The following SEZ6 variants were observed in gnomAD, a reference collection of about 807,000 sequenced individuals.
SEZ6 encodes seizure related 6 homolog, also known as seizure protein 6 homolog.
In SEZ6, 53 loss-of-function variants were observed where a neutral mutation model predicts 101.0. The observed-to-expected ratio is 0.52, with a 90% CI of 0.42 to 0.66. The LOEUF (loss-of-function observed/expected upper bound fraction) is 0.66, where lower values mean the gene tolerates loss of function less well. SEZ6 is among the 30% of genes least tolerant of loss of function. The pLI is 0.00. For synonymous variants in SEZ6, 488 were observed against 512.2 expected (o/e 0.95, Z 0.64); for missense variants, 1,102 against 1,289.4 (o/e 0.85, Z 2.23).
chr17:28,994,237 C>G (rs992052087), intron 1 of SEZ6, among the ~76,000 whole-genome samples: 35 of 151,982 alleles, frequency 2.3e-4, no homozygotes, highest in Admixed American at 1.2e-3. Context: ...CCTCTCTGGG[C>G]CTGGCCGGTT....
At chr17:28,986,326 G>T (rs1300505887) in intron 1 of SEZ6, among the ~76,000 whole-genome samples, 1 of 152,202 alleles carries the variant, frequency 6.6e-6, no homozygotes, top group African/African-American at 2.4e-5. Context: ...GACTCCCTGG[G>T]AGGACCGCTT....
intron 4 of SEZ6, among the ~76,000 whole-genome samples, chr17:28,967,085 A>G (rs1216944928): frequency 1.3e-5 from 2 of 152,214 alleles, no homozygotes; most frequent in African/African-American, 4.8e-5. Context: ...ACCCACTTTC[A>G]GTATTACATC....
At chr17:28,981,049 C>T (rs1293000555) in intron 2 of SEZ6, among the ~76,000 whole-genome samples, 1 of 152,194 alleles carries the variant, frequency 6.6e-6, no homozygotes, top group Admixed American at 6.5e-5. Flanking sequence ...GTGCCCACCA[C>T]CATGCCCGGC....
chr17:28,999,478 A>G, intron 1 of SEZ6, among the ~76,000 whole-genome samples: 1 of 151,946 alleles, frequency 6.6e-6, no homozygotes. Context: ...GCAGCCTGAG[A>G]CCTGGAGACC....
intron 15 of SEZ6, 30 bp downstream of exon 15, chr17:28,956,320 A>G: frequency 1.3e-6 from 2 of 1,578,154 alleles, no homozygotes; most frequent in Non-Finnish European, 1.7e-6. Flanking sequence ...GTATGCAGGT[A>G]TGCAGAGCAG....
intron 1 of SEZ6, among the ~76,000 whole-genome samples, chr17:28,998,214 C>G (rs1259162151): frequency 6.6e-6 from 1 of 151,924 alleles, no homozygotes; most frequent in East Asian, 1.9e-4. Context: ...AAGGGGTAAA[C>G]CAGCATGCAC....
At position 28,964,028 on chromosome 17, in the gene SEZ6, C is replaced by G. The variant is rs61737977; in HGVS notation, c.1174G>C (p.Ala392Pro). 6.2e-4 allele frequency: 999 copies of G among 1,611,264 alleles called. 8 individuals carry two copies. In the African/African-American group the frequency reaches 0.012, roughly 19 times the overall value. ...GCATTGAGACAGGTGAGATGCCTGG[C>G]GCCCTTCAGCTGGTAGCCAGTGGCA... ...HCATGYQLKG[A>P]RHLTCLNATQ... is the part of the protein sequence containing the mutation. The change falls in exon 5 of 17, where the codon GCC (alanine) becomes CCC (proline). Residue 392 changes from alanine (A) to proline (P), a missense_variant. Around this residue, in one of 3 missense-constraint regions of SEZ6, gnomAD observed 556 missense variants for 735.1 expected, o/e 0.76. Transcript: ENST00000317338.
intron 1 of SEZ6, among the ~76,000 whole-genome samples, chr17:28,984,882 GA>G (rs2041356480): frequency 4.6e-5 from 7 of 152,206 alleles, no homozygotes; most frequent in Admixed American, 4.6e-4. Context: ...CTGACGAAGG[GA>G]GAGTATGATA....
intron 1 of SEZ6, among the ~76,000 whole-genome samples, chr17:28,987,017 A>T (rs2152690678): frequency 6.6e-6 from 1 of 152,244 alleles, no homozygotes; most frequent in South Asian, 2.1e-4. Flanking sequence ...TCCCCGCCTC[A>T]TGGCAGCACC....
chr17:28,964,046 C>T lies in SEZ6; in HGVS notation c.1156G>A (p.Gly386Ser). 6.2e-7 allele frequency: 1 copy of T among 1,611,022 alleles called. No homozygotes were observed. Residue 386 changes from glycine to serine, a missense_variant, in exon 5 of 17, where the codon GGC (glycine) becomes AGC (serine). Around this residue, in one of 3 missense-constraint regions of SEZ6, gnomAD observed 556 missense variants for 735.1 expected, o/e 0.76. Transcript: ENST00000317338. ...GGSARFHCATGYQLKGARHLT... is the reference protein window; with the variant it reads ...GGSARFHCATSYQLKGARHLT... ...TGCCTGGCGCCCTTCAGCTGGTAGC[C>T]AGTGGCACAATGGAAGCGGGCACTA...
At chr17:28,986,700 G>A (rs1212841121) in intron 1 of SEZ6, among the ~76,000 whole-genome samples, 2 of 152,230 alleles carry the variant, frequency 1.3e-5, no homozygotes, top group Non-Finnish European at 2.9e-5. Flanking sequence ...AGATCTTTCT[G>A]TACCAGTCAG....
intron 4 of SEZ6, among the ~76,000 whole-genome samples, chr17:28,967,241 C>T (rs938459321): frequency 2.6e-5 from 4 of 152,210 alleles, no homozygotes; most frequent in African/African-American, 7.2e-5. Context: ...AATGCCTTCA[C>T]ACTCTTCTTT....
At chr17:28,963,825 A>G in intron 5 of SEZ6, 137 bp downstream of exon 5, 1 of 969,624 alleles carries the variant, frequency 1.0e-6, no homozygotes, top group Admixed American at 2.0e-5. Flanking sequence ...GGTTGGATGA[A>G]TGCCACTGAG....
intron 5 of SEZ6, among the ~76,000 whole-genome samples, chr17:28,963,221 A>G (rs919817802): frequency 8.6e-5 from 13 of 151,986 alleles, no homozygotes; most frequent in African/African-American, 3.1e-4. Flanking sequence ...ATTGGCAGCA[A>G]TCCCAGACCT....
Position 28,982,058 on chromosome 17 carries a change from G to A in SEZ6, c.56-19C>T, listed in dbSNP as rs1397499793. 6.4e-7 allele frequency: 1 copy of A among 1,554,678 alleles called. No homozygotes were observed. The highest frequency in any genetic ancestry group is 8.7e-7 in the Non-Finnish European group (1 of 1,152,376). On this transcript the variant is annotated intron_variant, in intron 1 of 16. Coordinates refer to ENST00000317338, the MANE Select transcript of SEZ6 (RefSeq NM_178860.5). Reference sequence around the variant, plus strand: ...GAGAGTCCTGAAATAATAAGGGATGGTCAGAGGTTCTCCCCCTGCTCCAGA... The same window carrying A: ...GAGAGTCCTGAAATAATAAGGGATGATCAGAGGTTCTCCCCCTGCTCCAGA...
intron 3 of SEZ6, among the ~76,000 whole-genome samples, chr17:28,975,970 C>T (rs1256251193): frequency 1.3e-5 from 2 of 152,254 alleles, no homozygotes; most frequent in South Asian, 2.1e-4. Flanking sequence ...GGGAGACTGA[C>T]TGCCTGGGGA....
chr17:28,975,183 G>T (rs2041205682), intron 3 of SEZ6, among the ~76,000 whole-genome samples: 1 of 152,186 alleles, frequency 6.6e-6, no homozygotes, highest in South Asian at 2.1e-4. Context: ...TTGCCCTCAG[G>T]TCTGCCAGGG....
upstream of SEZ6, chr17:29,006,147 A>G (rs145324008): frequency 0.033 from 8,804 of 266,032 alleles, 181 homozygotes; most frequent in Non-Finnish European, 0.045. Flanking sequence ...CAGGGGCAGG[A>G]GCCCAGGCTC....
At position 28,956,011 on chromosome 17, in the gene SEZ6, A is replaced by G. The variant is rs1475808700; in HGVS notation, c.2953-17T>C. Reference sequence around the variant, plus strand: ...GGAAAGAGACTGCTGGGAGTTGGAAACTTGTATTAGGTTTGCCAGGCCATA... The same window carrying G: ...GGAAAGAGACTGCTGGGAGTTGGAAGCTTGTATTAGGTTTGCCAGGCCATA... On this transcript the variant is annotated splice_polypyrimidine_tract_variant and intron_variant, in intron 16 of 16. Transcript: ENST00000317338. The G allele has an allele frequency of 6.2e-7, 1 of 1,612,328 alleles. No homozygotes were observed. The highest frequency in any genetic ancestry group is 8.5e-7 in the Non-Finnish European group (1 of 1,179,210).
Sources: gnomAD v4.1 joint callset for allele counts (sites outside exome capture counted in the v4.1 genomes callset) on GRCh38, gnomAD v4.1.1 for gene constraint, gnomAD v4.1.1 regional missense constraint, MANE v1.5 for transcripts, NCBI Gene and HGNC (gene_info 2026-07-23, HGNC 2026-07-21) for gene names.